The following STXBP5L variants were observed in gnomAD, a reference collection of about 807,000 sequenced individuals.
STXBP5L encodes the protein syntaxin binding protein 5L.
STXBP5L carries 65 observed loss-of-function variants against 144.5 expected under a neutral mutation model. The ratio of observed to expected loss-of-function variants is 0.45; its 90% CI spans 0.37 to 0.55. STXBP5L has a LOEUF of 0.55. STXBP5L is among the 20% of genes least tolerant of loss of function. STXBP5L has a pLI of 0.00. For synonymous variants in STXBP5L, 505 were observed against 469.6 expected, an observed-to-expected ratio of 1.08 and a Z score of -0.97; for missense variants, 1,298 against 1,405.5, an observed-to-expected ratio of 0.92 and a Z score of 1.22.
At chr3:121,191,533 GGGGAGA>G (rs139815854) in intron 9 of STXBP5L, among the ~76,000 whole-genome samples, 108 of 152,190 alleles carry the variant, frequency 7.1e-4, no homozygotes, top group South Asian at 6.2e-4. Flanking sequence ...ACTGTGCAAA[GGGGAGA>G]GGGAGAGGGA....
At chr3:121,322,474 G>GT (rs2044003678) in intron 20 of STXBP5L, among the ~76,000 whole-genome samples, 1 of 56,102 alleles carries the variant, frequency 1.8e-5, no homozygotes, top group Non-Finnish European at 3.3e-5. Context: ...GCGAAACTGT[G>GT]CCAAAAAAAA....
chr3:121,225,574 G>C (rs1314630796), intron 11 of STXBP5L, among the ~76,000 whole-genome samples: 1 of 152,080 alleles, frequency 6.6e-6, no homozygotes, highest in African/African-American at 2.4e-5. Context: ...GATCAGTAAA[G>C]ATTAGAGACT....
chr3:121,019,280 T>C (rs1182804743), intron 3 of STXBP5L, among the ~76,000 whole-genome samples: 3 of 152,156 alleles, frequency 2.0e-5, no homozygotes, highest in Non-Finnish European at 4.4e-5. Flanking sequence ...CTGATGGTCT[T>C]TGTCTACCTA....
intron 19 of STXBP5L, among the ~76,000 whole-genome samples, chr3:121,284,252 C>G: frequency 6.6e-6 from 1 of 151,892 alleles, no homozygotes; most frequent in South Asian, 2.1e-4. Context: ...AATGGATTTT[C>G]TACTATTCTC....
Position 121,418,490 on chromosome 3 carries a change from G to A in STXBP5L, c.3380G>A (p.Gly1127Glu). The stretch of plus-strand genomic sequence containing the variant: ...CTTGATGAAAGAGGACAGAGGCTAG[G>A]AGAGCTGGAAGAGAAAACTGCAGGC... ...IALDERGQRLGELEEKTAGMM... is the reference protein window; with the variant it reads ...IALDERGQRLEELEEKTAGMM... The change falls in exon 26 of 27, where the codon GGA becomes GAA. Residue 1127 changes from glycine (G) to glutamate (E), a missense_variant. Coordinates refer to ENST00000471454, the MANE Select transcript of STXBP5L (RefSeq NM_001308330.2). The A allele has an allele frequency of 6.2e-7, 1 of 1,614,076 alleles. No homozygotes were observed. Among genetic ancestry groups the A allele is most frequent in the South Asian group, 1.1e-5 (1 of 91,082 alleles).
At chr3:121,181,342 G>T (rs1420273312) in intron 9 of STXBP5L, among the ~76,000 whole-genome samples, 1 of 151,680 alleles carries the variant, frequency 6.6e-6, no homozygotes, top group Non-Finnish European at 1.5e-5. Flanking sequence ...GAGAGGAGAG[G>T]AGAGGAGAGG....
intron 3 of STXBP5L, among the ~76,000 whole-genome samples, chr3:120,960,556 A>G (rs1291068266): frequency 6.6e-6 from 1 of 152,258 alleles, no homozygotes; most frequent in Non-Finnish European, 1.5e-5. Context: ...TGACACATAT[A>G]CACCATGGAA....
rs1576272041 is a variant in STXBP5L, at chr3:121,356,037, A to T, written c.2177-22679A>T. 2.0e-5 allele frequency among the ~76,000 whole-genome samples: 3 copies of T among 152,282 alleles called. No individual in the cohort carries two copies. The South Asian group carries it at 6.2e-4, about 32-fold the overall frequency. ...CAGTGGAGGCTGCAGAACAGCAAAT[A>T]TTGCTGCCTAATCCTTCCTCTGGAA... On this transcript the variant is annotated intron_variant, in intron 20 of 26. Transcript: ENST00000471454.
At chr3:121,030,380 G>A (rs1243772100) in intron 3 of STXBP5L, among the ~76,000 whole-genome samples, 1 of 152,070 alleles carries the variant, frequency 6.6e-6, no homozygotes, top group African/African-American at 2.4e-5. Context: ...TCCTTTGCAG[G>A]GACATGGATG....
At chr3:121,140,214 C>T (rs59449366) in intron 7 of STXBP5L, among the ~76,000 whole-genome samples, 174 of 152,208 alleles carry the variant, frequency 1.1e-3, no homozygotes, top group African/African-American at 4.1e-3. Flanking sequence ...AGTGAGCTAT[C>T]ACCTCACCTC....
intron 3 of STXBP5L, among the ~76,000 whole-genome samples, chr3:120,978,770 C>T (rs971444623): frequency 6.6e-6 from 1 of 152,150 alleles, no homozygotes; most frequent in Non-Finnish European, 1.5e-5. Flanking sequence ...ACAGATGGGA[C>T]CCTCAGCTGC....
chr3:121,142,968 C>T (rs2045568895), intron 7 of STXBP5L, among the ~76,000 whole-genome samples: 1 of 151,670 alleles, frequency 6.6e-6, no homozygotes, highest in African/African-American at 2.4e-5. Flanking sequence ...TTGACAAACT[C>T]AGCTACACTA....
intron 6 of STXBP5L, among the ~76,000 whole-genome samples, chr3:121,120,545 T>A (rs979633378): frequency 6.6e-6 from 1 of 151,234 alleles, no homozygotes; most frequent in African/African-American, 2.4e-5. Context: ...GCACAATTAT[T>A]CAGTAAGGTC....
At chr3:121,062,576 C>G (rs141008248) in intron 5 of STXBP5L, among the ~76,000 whole-genome samples, 4 of 152,180 alleles carry the variant, frequency 2.6e-5, no homozygotes, top group Non-Finnish European at 4.4e-5. Context: ...TGGGGAAGTT[C>G]TCCTGGATAA....
chr3:121,303,895 G>A (rs1038713883), intron 19 of STXBP5L, among the ~76,000 whole-genome samples: 2 of 152,016 alleles, frequency 1.3e-5, no homozygotes, highest in African/African-American at 4.8e-5. Context: ...GGGGGAGTGG[G>A]GAGGGATAGC....
intron 14 of STXBP5L, 24 bp downstream of exon 14, chr3:121,240,531 T>A: frequency 6.2e-7 from 1 of 1,604,808 alleles, no homozygotes; most frequent in South Asian, 1.1e-5. Context: ...TTTTGTGAGT[T>A]ATTAGTTCAT....
chr3:120,992,160 T>G (rs1004027310), intron 3 of STXBP5L, among the ~76,000 whole-genome samples: 3 of 152,128 alleles, frequency 2.0e-5, no homozygotes, highest in East Asian at 1.9e-4. Flanking sequence ...TATTTATTTA[T>G]TTTTAGATTG....
At chr3:120,985,940 C>A (rs9873825) in intron 3 of STXBP5L, among the ~76,000 whole-genome samples, 4 of 151,482 alleles carry the variant, frequency 2.6e-5, no homozygotes, top group South Asian at 4.2e-4. Flanking sequence ...CTTTATTATA[C>A]CCTTTGTTCT....
At chr3:121,400,311 A>C (rs2046841105) in intron 22 of STXBP5L, among the ~76,000 whole-genome samples, 1 of 152,106 alleles carries the variant, frequency 6.6e-6, no homozygotes, top group Non-Finnish European at 1.5e-5. Flanking sequence ...GAGTATACAT[A>C]GAGGTGGTCG....
Sources: allele counts gnomAD v4.1 joint callset (sites outside exome capture counted in the v4.1 genomes callset), GRCh38; gene constraint gnomAD v4.1.1; transcripts MANE v1.5; gene names NCBI Gene and HGNC (gene_info 2026-07-23, HGNC 2026-07-21).